Variants in ZDHHC21 observed in about 807,000 individuals in gnomAD.
ZDHHC21 encodes palmitoyltransferase ZDHHC21.
In ZDHHC21, 15 loss-of-function variants were observed where a neutral mutation model predicts 34.6. The ratio of observed to expected loss-of-function variants is 0.43; its 90% confidence interval spans 0.29 to 0.67. ZDHHC21 has a LOEUF of 0.67. ZDHHC21 is among the 30% of genes least tolerant of loss of function. The pLI is 0.14. For missense variants in ZDHHC21, 344 were observed against 327.7 expected (o/e 1.05, Z -0.38); for synonymous variants, 142 against 101.8 (o/e 1.40, Z -2.38).
At chr9:14,672,782 G>T in intron 5 of ZDHHC21, 48 bp downstream of exon 5, 2 of 1,255,380 alleles carry the variant, frequency 1.6e-6, no homozygotes, top group Non-Finnish European at 2.3e-6. Flanking sequence ...TGTAAATAAA[G>T]ACAGTAATTC....
At chr9:14,630,718 G>A (rs1420469648) in intron 8 of ZDHHC21, among the ~76,000 whole-genome samples, 1 of 152,154 alleles carries the variant, frequency 6.6e-6, no homozygotes, top group African/African-American at 2.4e-5. Context: ...ATGCATAAGG[G>A]GTGTAGCAGG....
chr9:14,685,666 A>T (rs1485085227), intron 2 of ZDHHC21, among the ~76,000 whole-genome samples: 1 of 152,244 alleles, frequency 6.6e-6, no homozygotes, highest in Non-Finnish European at 1.5e-5. Context: ...AGGATCTAGA[A>T]CTAGAAATAC....
At position 14,611,165 on chromosome 9, in the gene ZDHHC21, AAAC is replaced by A; in HGVS notation, c.*7798_*7800del. On this transcript the variant is annotated 3_prime_UTR_variant, in exon 10 of 10. Coordinates refer to ENST00000380916, the MANE Select transcript of ZDHHC21 (RefSeq NM_178566.6). Reference sequence around the variant, plus strand: ...GTAAAAATTCCACAATTTAAATTAAAAACAATCTGCAAAGAAAATAGAAATATT... The same window carrying A: ...GTAAAAATTCCACAATTTAAATTAAAAATCTGCAAAGAAAATAGAAATATT... 6.6e-6 allele frequency: 1 copy of A among 152,152 alleles called. No homozygotes were observed. The highest frequency in any genetic ancestry group is 3.4e-3 in the Middle Eastern group (1 of 294). 9.4% of individuals were successfully genotyped at this position (152,152 alleles called of 1,614,324 possible).
chr9:14,654,139 C>A (rs1042224978), intron 7 of ZDHHC21, among the ~76,000 whole-genome samples: 1 of 152,010 alleles, frequency 6.6e-6, no homozygotes, highest in Non-Finnish European at 1.5e-5. Context: ...AACTGTAGGG[C>A]ACAATCCACA....
intron 8 of ZDHHC21, among the ~76,000 whole-genome samples, chr9:14,638,634 C>G (rs1028247739): frequency 2.0e-5 from 3 of 151,032 alleles, no homozygotes; most frequent in Non-Finnish European, 4.4e-5. Flanking sequence ...TTTTGCTTGA[C>G]AAGGGACACT....
chr9:14,603,312 A>T, the ZDHHC21 span, among the ~76,000 whole-genome samples: 1 of 152,074 alleles, frequency 6.6e-6, no homozygotes, highest in African/African-American at 2.4e-5. Flanking sequence ...GTCAAATAGG[A>T]GGAGTTACCT....
At chr9:14,640,307 GGAA>G (rs1370033498) in intron 7 of ZDHHC21, among the ~76,000 whole-genome samples, 3 of 125,698 alleles carry the variant, frequency 2.4e-5, no homozygotes, top group Admixed American at 8.1e-5. Context: ...CCTATTTTGG[GGAA>G]AAAAAAAAAA....
In ZDHHC21 at chr9:14,614,873, G is replaced by A. The variant is rs1823908627; in HGVS notation, c.*4093C>T. On this transcript the variant is annotated 3_prime_UTR_variant, in exon 10 of 10. Transcript: ENST00000380916. ...TGTGAATTTTATCAAATAAATTCTA[G>A]ATATATCTATGTATATTAGAGGTCA... 6.6e-6 allele frequency: 1 copy of A among 151,538 alleles called. No homozygotes were observed. Among genetic ancestry groups the A allele is most frequent in the Non-Finnish European group, 1.5e-5 (1 of 67,652 alleles). The allele number at this position is 151,538 out of a possible 1,614,324, so 9.4% of individuals were successfully genotyped here. A position where few individuals can be genotyped will look rare whatever the true frequency, so the allele number is the denominator to read the frequency against.
intron 7 of ZDHHC21, 52 bp downstream of exon 7, chr9:14,658,697 T>G (rs535922492): frequency 1.3e-6 from 2 of 1,507,418 alleles, no homozygotes; most frequent in East Asian, 4.6e-5. Flanking sequence ...GGTCTCGATC[T>G]CCTGACCTCG....
chr9:14,612,843 TAC>T lies in ZDHHC21; in HGVS notation c.*6121_*6122del, dbSNP rs143588638. On this transcript the variant is annotated 3_prime_UTR_variant, in exon 10 of 10. Transcript: ENST00000380916. ...ATTATTCTTTAAAGCCACTAAAGAT[TAC>T]ACACACACACACACACACACACACA... is the stretch of plus-strand genomic sequence containing the variant. 0.34 allele frequency: 49,016 copies of T among 142,954 alleles called. 8,552 individuals carry two copies. The highest frequency in any genetic ancestry group is 0.46 in the South Asian group (2,001 of 4,308). The allele number at this position is 142,954 out of a possible 1,614,324, so 8.9% of individuals were successfully genotyped here.
chr9:14,624,535 A>G (rs1009643694), intron 8 of ZDHHC21, among the ~76,000 whole-genome samples: 1 of 152,180 alleles, frequency 6.6e-6, no homozygotes, highest in African/African-American at 2.4e-5. Context: ...AAATGAAATA[A>G]GCCAGTTAAA....
intron 8 of ZDHHC21, among the ~76,000 whole-genome samples, chr9:14,620,874 T>C (rs951199412): frequency 4.6e-5 from 7 of 152,070 alleles, no homozygotes; most frequent in African/African-American, 1.7e-4. Flanking sequence ...ACATATTCTA[T>C]ATTCATTAGT....
intron 7 of ZDHHC21, among the ~76,000 whole-genome samples, chr9:14,646,624 A>C (rs34210107): frequency 0.33 from 50,785 of 151,836 alleles, 8,760 homozygotes; most frequent in Middle Eastern, 0.39. Context: ...TTTCTCAGAC[A>C]TAGCTAGCGA....
rs796650410 is a variant in ZDHHC21 at position 14,646,366 on chromosome 9, G to A, written c.505-6354C>T. Among the ~76,000 whole-genome samples, 12 of 152,152 alleles carry A rather than the reference G, an allele frequency of 7.9e-5. 1 individual carries two copies. Among genetic ancestry groups the A allele is most frequent in the African/African-American group, 2.9e-4 (12 of 41,526 alleles). ...TACAATATAAAAGGTACAAAAAGTT[G>A]TAACAGTGAAATACAGAATATAAAA... is the stretch of plus-strand genomic sequence containing the variant. On this transcript the variant is annotated intron_variant, in intron 7 of 9. Coordinates refer to ENST00000380916, the MANE Select transcript of ZDHHC21 (RefSeq NM_178566.6).
chr9:14,600,169 G>C, the ZDHHC21 span, among the ~76,000 whole-genome samples: 1 of 152,158 alleles, frequency 6.6e-6, no homozygotes, highest in Non-Finnish European at 1.5e-5. Context: ...AATCAGGCAA[G>C]AGAAAGAAAT....
chr9:14,683,127 T>C (rs936741446), intron 2 of ZDHHC21, among the ~76,000 whole-genome samples: 2 of 151,826 alleles, frequency 1.3e-5, no homozygotes, highest in African/African-American at 2.4e-5. Context: ...TTAAAAGAAC[T>C]AGAGAAGCAA....
At chr9:14,661,059 C>T (rs757508084) in intron 6 of ZDHHC21, among the ~76,000 whole-genome samples, 22 of 152,174 alleles carry the variant, frequency 1.4e-4, no homozygotes, top group South Asian at 6.2e-4. Flanking sequence ...TAATTATTTA[C>T]GTTTAAATTC....
intron 7 of ZDHHC21, among the ~76,000 whole-genome samples, chr9:14,641,987 A>G (rs1173220961): frequency 3.3e-5 from 5 of 152,174 alleles, no homozygotes; most frequent in Non-Finnish European, 7.4e-5. Flanking sequence ...CTGTACTAAA[A>G]TTACCATCTA....
chr9:14,601,816 AT>A, the ZDHHC21 span, among the ~76,000 whole-genome samples: 3 of 152,356 alleles, frequency 2.0e-5, no homozygotes, highest in South Asian at 6.2e-4. Flanking sequence ...CTATGCAGCC[AT>A]TAAAACGGAT....
Sources: gnomAD v4.1 joint callset for allele counts (sites outside exome capture counted in the v4.1 genomes callset) on GRCh38, gnomAD v4.1.1 for gene constraint, MANE v1.5 for transcripts, NCBI Gene and HGNC (gene_info 2026-07-23, HGNC 2026-07-21) for gene names.